The following RAPGEF1 variants were observed in gnomAD, a reference collection of about 807,000 sequenced individuals.
RAPGEF1 encodes the protein Rap guanine nucleotide exchange factor 1.
A neutral mutation model predicts 143.3 loss-of-function variants in RAPGEF1; 33 were observed. The observed-to-expected ratio is 0.23, with a 90% CI of 0.17 to 0.31. The LOEUF (loss-of-function observed/expected upper bound fraction) is 0.31. Ranked by LOEUF, RAPGEF1 falls within the 10% of genes least tolerant of loss-of-function variation. The pLI, the probability that RAPGEF1 is intolerant of heterozygous loss-of-function variation, is 1.00. For synonymous variants in RAPGEF1, 629 were observed against 676.5 expected (o/e 0.93, Z 1.09); for missense variants, 1,199 against 1,645.4 (o/e 0.73, Z 4.69).
At chr9:131,737,590 T>C (rs982363683) in intron 1 of RAPGEF1, 119 of 1,508,834 alleles carry the variant, frequency 7.9e-5, no homozygotes, top group Non-Finnish European at 8.8e-5. Context: ...TTCTCCCAAA[T>C]AGCAGAGAAC....
intron 1 of RAPGEF1, among the ~76,000 whole-genome samples, chr9:131,680,913 C>G (rs1832856160): frequency 1.3e-5 from 2 of 152,080 alleles, no homozygotes; most frequent in South Asian, 4.2e-4. Flanking sequence ...GGCTCGAATC[C>G]AGGTGGAGGG....
At chr9:131,581,386 T>C (rs1951844953) in intron 25 of RAPGEF1, among the ~76,000 whole-genome samples, 1 of 151,794 alleles carries the variant, frequency 6.6e-6, no homozygotes, top group Non-Finnish European at 1.5e-5. Context: ...AGAGACTCCG[T>C]CTTTATTAAA....
At chr9:131,666,759 C>T (rs1830502667) in intron 1 of RAPGEF1, among the ~76,000 whole-genome samples, 1 of 152,110 alleles carries the variant, frequency 6.6e-6, no homozygotes, top group Non-Finnish European at 1.5e-5. Context: ...GATTAATGAG[C>T]TATTTACCTT....
At position 131,727,403 on chromosome 9, in the gene RAPGEF1, C is replaced by A. The variant is rs574722303; in HGVS notation, c.61+12367G>T. On this transcript the variant is annotated intron_variant, in intron 1 of 26. Coordinates refer to ENST00000683357, the MANE Select transcript of RAPGEF1 (RefSeq NM_001377935.1). ...ATCAGACTCCTGGGAGACCTATGAT[C>A]TTAAAAAGCTCAGGAACCTCTGTTC... Among the ~76,000 whole-genome samples, 22 of 152,304 alleles carry A rather than the reference C, an allele frequency of 1.4e-4. No individual in the cohort carries two copies. The South Asian group carries it at 3.3e-3, about 23-fold the overall frequency.
Position 131,584,167 on chromosome 9 carries a change from G to T in RAPGEF1, c.3414+144C>A, listed in dbSNP as rs1952324963. 11 of 744,420 alleles carry T rather than the reference G, an allele frequency of 1.5e-5. No individual in the cohort carries two copies. In the South Asian group the frequency reaches 1.8e-4, roughly 12 times the overall value. The allele number at this position is 744,420 out of a possible 1,614,324, so 46.1% of individuals were successfully genotyped here. A position where few individuals can be genotyped will look rare whatever the true frequency, so the allele number is the denominator to read the frequency against. Reference sequence around the variant, plus strand: ...GGAAGGCGGGAGGGCAGCTGTTCTGGTCACACAGCATGTCGGTGGCAGAGC... The same window carrying T: ...GGAAGGCGGGAGGGCAGCTGTTCTGTTCACACAGCATGTCGGTGGCAGAGC... On this transcript the variant is annotated intron_variant, in intron 24 of 26. Transcript: ENST00000683357. The surrounding 1 kb of genome is among the most constrained non-coding windows in gnomAD (Gnocchi z 6.8).
At position 131,621,871 on chromosome 9, in the gene RAPGEF1, G is replaced by A. The variant is rs770552548; in HGVS notation, c.1830C>T (p.Ser610=). 4.3e-6 allele frequency: 7 copies of A among 1,612,580 alleles called. No homozygotes were observed. Among genetic ancestry groups the A allele is most frequent in the East Asian group, 2.2e-5 (1 of 44,838 alleles). ...CGGAGTCCACCCCACTGAAGGAGTC[G>A]CTGAAGCCGTATACCTCCATGAGGA... ...NKLLMEVYGF[S]DSFSGVDSVQ... Residue 610 remains serine, a synonymous_variant, in exon 11 of 27, where the codon AGC becomes AGT. Transcript: ENST00000683357. This position sits in a 1 kb window ranked among gnomAD's most constrained non-coding sequence, Gnocchi z 4.5.
In RAPGEF1 at chr9:131,739,622, C is replaced by G. The variant is rs918443886; in HGVS notation, c.61+148G>C. 4 of 491,256 alleles carry G rather than the reference C, an allele frequency of 8.1e-6. No individual in the cohort carries two copies. The African/African-American group carries it at 8.4e-5, about 10-fold the overall frequency. 30.4% of individuals were successfully genotyped at this position (491,256 alleles called of 1,614,324 possible). A position where few individuals can be genotyped will look rare whatever the true frequency, so the allele number is the denominator to read the frequency against. ...GCAATGGGCCTGGAGGAGAAGCTGC[C>G]AGGCGCCCCGGCGAGGCCTCGGTGG... On this transcript the variant is annotated intron_variant, in intron 1 of 26. Transcript: ENST00000683357.
intron 3 of RAPGEF1, among the ~76,000 whole-genome samples, chr9:131,648,094 A>C (rs1247443439): frequency 3.3e-5 from 5 of 152,182 alleles, no homozygotes; most frequent in Admixed American, 3.3e-4. Flanking sequence ...AAAATGAATA[A>C]AGGGGAAAAT....
At chr9:131,701,024 C>T (rs1834602359) in intron 1 of RAPGEF1, among the ~76,000 whole-genome samples, 1 of 152,088 alleles carries the variant, frequency 6.6e-6, no homozygotes. Context: ...CGGTAGTCCA[C>T]AAGGCCCCCT....
In RAPGEF1 at chr9:131,643,155, C is replaced by A. The variant is rs889707740; in HGVS notation, c.494+84G>T. ...TCCTTTTCCTGACTGTTCCTAGGAA[C>A]CTTGAGTTTCCAGTGCCACCAAACC... is the stretch of plus-strand genomic sequence containing the variant. On this transcript the variant is annotated intron_variant, in intron 4 of 26. Coordinates refer to ENST00000683357, the MANE Select transcript of RAPGEF1 (RefSeq NM_001377935.1). 2.8e-6 allele frequency: 4 copies of A among 1,441,156 alleles called. No individual in the cohort carries two copies. The South Asian group carries it at 4.3e-5, about 16-fold the overall frequency. 89.3% of individuals were successfully genotyped at this position (1,441,156 alleles called of 1,614,324 possible).
At chr9:131,653,557 C>T (rs759989088) in intron 1 of RAPGEF1, among the ~76,000 whole-genome samples, 1 of 152,188 alleles carries the variant, frequency 6.6e-6, no homozygotes, top group Non-Finnish European at 1.5e-5. Context: ...CATGGAAAGA[C>T]GGTCAACATA....
chr9:131,577,245 T>C lies in RAPGEF1; in HGVS notation c.*2252A>G, dbSNP rs1042317637. On this transcript the variant is annotated 3_prime_UTR_variant, in exon 27 of 27. Transcript: ENST00000683357. ...CCTCACGCAGGGAGCCCCTGGGCAC[T>C]GCTCATGTGCTGCCTGGGCCCTGCT... is the stretch of plus-strand genomic sequence containing the variant. 2 of 152,346 alleles carry C rather than the reference T, an allele frequency of 1.3e-5. No homozygotes were observed. Among genetic ancestry groups the C allele is most frequent in the African/African-American group, 4.8e-5 (2 of 41,488 alleles). 9.4% of individuals were successfully genotyped at this position (152,346 alleles called of 1,614,324 possible). A position where few individuals can be genotyped will look rare whatever the true frequency, so the allele number is the denominator to read the frequency against.
chr9:131,728,305 A>G (rs1165807695), intron 1 of RAPGEF1, among the ~76,000 whole-genome samples: 1 of 152,216 alleles, frequency 6.6e-6, no homozygotes, highest in African/African-American at 2.4e-5. Context: ...CACAAATGCA[A>G]CACTCTGTGA....
rs768371051 is a variant in RAPGEF1, at chr9:131,578,423, G to A, written c.*1074C>T. The A allele has an allele frequency of 6.6e-6, 1 of 152,212 alleles. No individual in the cohort carries two copies. The highest frequency in any genetic ancestry group is 1.5e-5 in the Non-Finnish European group (1 of 68,106). The allele number at this position is 152,212 out of a possible 1,614,324, so 9.4% of individuals were successfully genotyped here. A position where few individuals can be genotyped will look rare whatever the true frequency, so the allele number is the denominator to read the frequency against. On this transcript the variant is annotated 3_prime_UTR_variant, in exon 27 of 27. Coordinates refer to ENST00000683357, the MANE Select transcript of RAPGEF1 (RefSeq NM_001377935.1). ...CCCTGCACCCTGAGGGACCATTCGG[G>A]TGCCTCAGGGATGCCCTTCCCTCCC...
chr9:131,652,174 ATTCT>A (rs1444242128), intron 1 of RAPGEF1, among the ~76,000 whole-genome samples: 11 of 152,226 alleles, frequency 7.2e-5, no homozygotes, highest in Non-Finnish European at 1.5e-5. Context: ...TTTTTAAAAT[ATTCT>A]TTCTTCAGTA....
intron 1 of RAPGEF1, among the ~76,000 whole-genome samples, chr9:131,661,465 G>A (rs1046277732): frequency 1.3e-5 from 2 of 152,170 alleles, no homozygotes; most frequent in African/African-American, 2.4e-5. Flanking sequence ...GAAGCAGTGG[G>A]CTTCTGAGGT....
In RAPGEF1 at chr9:131,650,830, G is replaced by C. The variant is rs573240392; in HGVS notation, c.181C>G (p.Pro61Ala). The change falls in exon 2 of 27, where the codon CCA (proline) becomes GCA (alanine). Residue 61 changes from proline (P) to alanine (A), a missense_variant. This residue lies in a region of RAPGEF1 where 613 missense variants were observed against 710.9 expected (regional missense o/e 0.86). Transcript: ENST00000683357. The surrounding 1 kb of genome is among the most constrained non-coding windows in gnomAD (Gnocchi z 4.7). ...CTTACTTTGTTCACAGGCTTCTCTGGAATCTTTACGGACACCTCAGCTGGT... is the reference window on the plus strand; with the variant it reads ...CTTACTTTGTTCACAGGCTTCTCTGCAATCTTTACGGACACCTCAGCTGGT... ...GKPAEVSVKI[P>A]EKPVNKEATD... 5 of 1,613,992 alleles carry C rather than the reference G, an allele frequency of 3.1e-6. No homozygotes were observed. Among genetic ancestry groups the C allele is most frequent in the Middle Eastern group, 1.7e-4 (1 of 6,052 alleles).
At chr9:131,629,287 A>G (rs1184256316) in intron 6 of RAPGEF1, 33 bp from the exon 7 acceptor site, 1 of 1,602,212 alleles carries the variant, frequency 6.2e-7, no homozygotes, top group Non-Finnish European at 8.5e-7. Context: ...GGGTTACAGA[A>G]GGTCAAAGGC....
At chr9:131,634,026 C>G (rs1481863846) in intron 5 of RAPGEF1, among the ~76,000 whole-genome samples, 1 of 152,222 alleles carries the variant, frequency 6.6e-6, no homozygotes, top group African/African-American at 2.4e-5. Context: ...CTTTGTGAGG[C>G]CGAGGCAAGT....
Sources: allele counts gnomAD v4.1 joint callset (sites outside exome capture counted in the v4.1 genomes callset), GRCh38; gene constraint gnomAD v4.1.1; regional missense constraint gnomAD v4.1.1; non-coding constraint Gnocchi (gnomAD v3.1); transcripts MANE v1.5; gene names NCBI Gene and HGNC (gene_info 2026-07-23, HGNC 2026-07-21).